The following MMP26 variants were observed in gnomAD, a reference collection of about 807,000 sequenced individuals.
MMP26 encodes matrix metallopeptidase 26, also known as matrix metalloproteinase-26.
In MMP26, 33 loss-of-function variants were observed where a neutral mutation model predicts 31.0. The observed-to-expected ratio is 1.06, with a 90% CI of 0.81 to 1.42. The LOEUF is 1.42. Among genes scored for constraint, MMP26 ranks in the 40% most tolerant of loss-of-function variants. The pLI, the probability that MMP26 is intolerant of heterozygous loss-of-function variation, is 0.00. For missense variants in MMP26, 347 were observed against 316.1 expected (o/e 1.10, Z -0.74); for synonymous variants, 122 against 114.9 (o/e 1.06, Z -0.40).
intron 3 of MMP26, among the ~76,000 whole-genome samples, chr11:4,989,025 G>A (rs1358938317): frequency 1.3e-5 from 2 of 152,304 alleles, no homozygotes; most frequent in African/African-American, 4.8e-5. Flanking sequence ...TATCAGACAT[G>A]AGCATTGCCC....
At chr11:4,864,550 ATTTC>A (rs1353716727) in intron 2 of MMP26, among the ~76,000 whole-genome samples, 1 of 152,182 alleles carries the variant, frequency 6.6e-6, no homozygotes, top group East Asian at 1.9e-4. Flanking sequence ...TTCTAAACCC[ATTTC>A]TTTCCCACTG....
At chr11:4,758,554 C>CA (rs1053933406) in intron 1 of MMP26, among the ~76,000 whole-genome samples, 7 of 149,002 alleles carry the variant, frequency 4.7e-5, no homozygotes, top group Non-Finnish European at 1.0e-4. Context: ...ATGTAAATAT[C>CA]AAAAAGCCAC....
At chr11:4,717,970 A>G (rs541923285) in intron 1 of MMP26, among the ~76,000 whole-genome samples, 1 of 152,334 alleles carries the variant, frequency 6.6e-6, no homozygotes, top group Admixed American at 6.5e-5. Flanking sequence ...TGGCTTATAC[A>G]TAAGTATATG....
chr11:4,925,622 G>A (rs73407022), intron 2 of MMP26, among the ~76,000 whole-genome samples: 1 of 151,984 alleles, frequency 6.6e-6, no homozygotes, highest in African/African-American at 2.4e-5. Flanking sequence ...AAGGAAAGAT[G>A]GGGGGTCAGT....
At chr11:4,934,792 A>G (rs969017628) in intron 2 of MMP26, among the ~76,000 whole-genome samples, 6 of 150,224 alleles carry the variant, frequency 4.0e-5, no homozygotes, top group Non-Finnish European at 7.4e-5. Context: ...CTTTCTACAT[A>G]TGGCTAGCCA....
chr11:4,946,640 C>A (rs549000083), intron 2 of MMP26: 2 of 1,583,932 alleles, frequency 1.3e-6, no homozygotes, highest in African/African-American at 2.7e-5. Context: ...CAGGAGCATG[C>A]TCTTAAAGGA....
rs114893730 is a variant in MMP26 at position 4,860,359 on chromosome 11, G to C, written c.-145+93018G>C. The C allele has an allele frequency of 7.6e-4, 356 of 471,228 alleles. 1 individual carries two copies. Among genetic ancestry groups the C allele is most frequent in the African/African-American group, 6.6e-3 (330 of 50,200 alleles). The allele number at this position is 471,228 out of a possible 1,614,324, so 29.2% of individuals were successfully genotyped here. A position where few individuals can be genotyped will look rare whatever the true frequency, so the allele number is the denominator to read the frequency against. On this transcript the variant is annotated intron_variant, in intron 2 of 7. Transcript: ENST00000380390. ...CATGGAGAGACTAACGTCAGTGAGA[G>C]CCAAGATAGAAAGGAAGTAATACGT... is the stretch of plus-strand genomic sequence containing the variant.
At chr11:4,930,743 T>A (rs1276467770) in intron 2 of MMP26, among the ~76,000 whole-genome samples, 1 of 152,110 alleles carries the variant, frequency 6.6e-6, no homozygotes, top group Non-Finnish European at 1.5e-5. Context: ...GGATCTAGAT[T>A]GCTTAACTTT....
At chr11:4,802,205 G>A (rs1370691354) in intron 2 of MMP26, among the ~76,000 whole-genome samples, 1 of 152,138 alleles carries the variant, frequency 6.6e-6, no homozygotes, top group Non-Finnish European at 1.5e-5. Flanking sequence ...TGGAATTGCA[G>A]GTATTCATTG....
intron 2 of MMP26, among the ~76,000 whole-genome samples, chr11:4,941,423 T>C (rs983901587): frequency 2.0e-5 from 3 of 152,228 alleles, no homozygotes; most frequent in Non-Finnish European, 4.4e-5. Flanking sequence ...TAAGTCTTCC[T>C]ACCTCTGTAA....
At chr11:4,821,485 C>T (rs1382850265) in intron 2 of MMP26, 1 of 1,612,878 alleles carries the variant, frequency 6.2e-7, no homozygotes, top group East Asian at 2.2e-5. Flanking sequence ...CATTCCAGGC[C>T]TGAAAGCCAC....
At chr11:4,876,652 G>A (rs532882218) in intron 2 of MMP26, 1 of 152,218 alleles carries the variant, frequency 6.6e-6, no homozygotes, top group African/African-American at 2.4e-5. Flanking sequence ...GGATGGCCTT[G>A]CCCCTCTGTC....
chr11:4,972,701 A>G (rs946647823), intron 2 of MMP26, among the ~76,000 whole-genome samples: 5 of 152,184 alleles, frequency 3.3e-5, no homozygotes, highest in African/African-American at 9.7e-5. Flanking sequence ...ACAAGAATAC[A>G]TTGTGTTCAT....
At chr11:4,847,270 G>T (rs1849885049) in intron 2 of MMP26, among the ~76,000 whole-genome samples, 1 of 152,172 alleles carries the variant, frequency 6.6e-6, no homozygotes, top group African/African-American at 2.4e-5. Context: ...TCCTGATGTG[G>T]ATGTGAATGT....
At chr11:4,907,095 T>TAAAA (rs3065178) in intron 2 of MMP26, among the ~76,000 whole-genome samples, 3,502 of 55,092 alleles carry the variant, frequency 0.064, 324 homozygotes, top group Non-Finnish European at 0.094. Flanking sequence ...AAACTCCCTC[T>TAAAA]AAAAAAAAAA....
At chr11:4,822,547 C>A (rs1329843909) in intron 2 of MMP26, 7 of 514,546 alleles carry the variant, frequency 1.4e-5, no homozygotes, top group African/African-American at 5.9e-5. Context: ...TCATTGCCAA[C>A]TAAATTATGA....
At chr11:4,900,065 C>T (rs1850777815) in intron 2 of MMP26, among the ~76,000 whole-genome samples, 1 of 152,164 alleles carries the variant, frequency 6.6e-6, no homozygotes, top group South Asian at 2.1e-4. Flanking sequence ...CTCATCCTCA[C>T]TAATGTCGTC....
chr11:4,943,732 T>G, intron 2 of MMP26: 1 of 356,388 alleles, frequency 2.8e-6, no homozygotes, highest in South Asian at 2.2e-5. Flanking sequence ...GAGATTTTAA[T>G]CCTCCAAAAA....
At chr11:4,859,431 T>A (rs1850109028) in intron 2 of MMP26, among the ~76,000 whole-genome samples, 1 of 152,174 alleles carries the variant, frequency 6.6e-6, no homozygotes, top group Non-Finnish European at 1.5e-5. Flanking sequence ...AATACACACA[T>A]TCCAAAATAT....
Sources: gnomAD v4.1 joint callset for allele counts (sites outside exome capture counted in the v4.1 genomes callset) on GRCh38, gnomAD v4.1.1 for gene constraint, MANE v1.5 for transcripts, NCBI Gene and HGNC (gene_info 2026-07-23, HGNC 2026-07-21) for gene names.